LEKR1: variants seen among roughly 807,000 people sequenced by gnomAD.
LEKR1 encodes protein LEKR1.
A neutral mutation model predicts 72.4 loss-of-function variants in LEKR1; 59 were observed. The ratio of observed to expected loss-of-function variants is 0.82; its 90% CI spans 0.66 to 1.01. LEKR1 has a LOEUF of 1.01. Ranked by LOEUF, LEKR1 falls within the 50% of genes least tolerant of loss-of-function variation. LEKR1 has a pLI of 0.00. For synonymous variants in LEKR1, 257 were observed against 263.2 expected (o/e 0.98, Z 0.23); for missense variants, 728 against 759.2 (o/e 0.96, Z 0.48).
intron 3 of LEKR1, among the ~76,000 whole-genome samples, chr3:156,867,805 G>A (rs1560037094): frequency 6.6e-6 from 1 of 152,000 alleles, no homozygotes; most frequent in Non-Finnish European, 1.5e-5. Context: ...ACAGGATCTT[G>A]CATAATGGTA....
chr3:157,006,066 C>A (rs903715207), intron 9 of LEKR1, among the ~76,000 whole-genome samples: 5 of 150,336 alleles, frequency 3.3e-5, no homozygotes, highest in African/African-American at 1.2e-4. Flanking sequence ...ACTGCAGTGG[C>A]GCAATCTCGG....
At chr3:156,901,930 C>G (rs1048182905) in intron 3 of LEKR1, among the ~76,000 whole-genome samples, 1 of 152,224 alleles carries the variant, frequency 6.6e-6, no homozygotes, top group Non-Finnish European at 1.5e-5. Flanking sequence ...GTGATCCAAA[C>G]GCCTTGGCCT....
intron 5 of LEKR1, among the ~76,000 whole-genome samples, chr3:156,929,873 A>G (rs984758123): frequency 6.6e-6 from 1 of 152,156 alleles, no homozygotes; most frequent in African/African-American, 2.4e-5. Context: ...AATATACTTT[A>G]TGAGGTGATA....
chr3:157,020,712 T>C lies in LEKR1; in HGVS notation c.1204-4048T>C, dbSNP rs541318274. 3.9e-5 allele frequency among the ~76,000 whole-genome samples: 6 copies of C among 152,186 alleles called. No individual in the cohort carries two copies. In the East Asian group the frequency reaches 1.2e-3, roughly 29 times the overall value. On this transcript the variant is annotated intron_variant, in intron 10 of 12. Coordinates refer to ENST00000356539, the MANE Select transcript of LEKR1 (RefSeq NM_001004316.3). ...ATTTGGGTTGGTTCCATGTCTTTGC[T>C]ATTGTGAATAATGCCGCAGTAAACA...
rs536321851 is a variant in LEKR1 at position 156,863,965 on chromosome 3, C to T, written c.263+10983C>T. On this transcript the variant is annotated intron_variant, in intron 3 of 12. Coordinates refer to ENST00000356539, the MANE Select transcript of LEKR1 (RefSeq NM_001004316.3). ...TGACAGAACTGTTAGGGAAGCTATCCCTAGAAACATTGTGAAGAACTCAGC... is the reference window on the plus strand; with the variant it reads ...TGACAGAACTGTTAGGGAAGCTATCTCTAGAAACATTGTGAAGAACTCAGC... 9.2e-5 allele frequency among the ~76,000 whole-genome samples: 14 copies of T among 152,044 alleles called. No homozygotes were observed. The South Asian group carries it at 2.9e-3, about 32-fold the overall frequency.
Position 156,835,301 on chromosome 3 carries a change from G to T in LEKR1, c.48+5924G>T, listed in dbSNP as rs954002409. Among the ~76,000 whole-genome samples the T allele has an allele frequency of 2.1e-4, 32 of 152,332 alleles. 1 individual carries two copies. Among genetic ancestry groups the T allele is most frequent in the African/African-American group, 7.5e-4 (31 of 41,574 alleles). ...TACACAGGCAGGCACCCTTACCAAT[G>T]GGGGTTTTCTTAAATATGTAAATTT... On this transcript the variant is annotated intron_variant, in intron 2 of 12. Transcript: ENST00000356539.
At chr3:156,862,397 G>T (rs1340846428) in intron 3 of LEKR1, among the ~76,000 whole-genome samples, 1 of 151,946 alleles carries the variant, frequency 6.6e-6, no homozygotes, top group Non-Finnish European at 1.5e-5. Context: ...GAATTCGAAG[G>T]GAGGCAGTGT....
Position 157,023,715 on chromosome 3 carries a change from G to C in LEKR1, c.1204-1045G>C, listed in dbSNP as rs140788258. On this transcript the variant is annotated intron_variant, in intron 10 of 12. Transcript: ENST00000356539. ...TAGGAAGTAGCAGAGCCAGGATTAA[G>C]AGCCAGGATTTAAACTCAACTTCAT... Among the ~76,000 whole-genome samples, 758 of 152,294 alleles carry C rather than the reference G, an allele frequency of 5.0e-3. 3 individuals carry two copies. Among genetic ancestry groups the C allele is most frequent in the African/African-American group, 0.017 (713 of 41,564 alleles).
intron 3 of LEKR1, among the ~76,000 whole-genome samples, chr3:156,913,872 C>T (rs934757029): frequency 7.9e-5 from 12 of 152,006 alleles, no homozygotes; most frequent in African/African-American, 2.9e-4. Context: ...GCATTTCAGT[C>T]CTTTGTTTTT....
intron 2 of LEKR1, among the ~76,000 whole-genome samples, chr3:156,848,976 T>C (rs942436152): frequency 8.5e-5 from 13 of 152,212 alleles, no homozygotes; most frequent in Non-Finnish European, 1.3e-4. Context: ...TGTCCCTGTT[T>C]GCAGATGACA....
intron 12 of LEKR1, among the ~76,000 whole-genome samples, chr3:157,044,709 A>G (rs1283563391): frequency 2.0e-5 from 3 of 152,252 alleles, no homozygotes; most frequent in African/African-American, 4.8e-5. Flanking sequence ...CTGAATGAAT[A>G]GAATTAGTAG....
At chr3:156,914,960 G>GC (rs1233789838) in intron 3 of LEKR1, among the ~76,000 whole-genome samples, 1 of 151,840 alleles carries the variant, frequency 6.6e-6, no homozygotes, top group East Asian at 1.9e-4. Flanking sequence ...TCTCAAGTAG[G>GC]CCCCAGTGTC....
At chr3:156,913,440 A>T (rs1723301160) in intron 3 of LEKR1, among the ~76,000 whole-genome samples, 1 of 152,120 alleles carries the variant, frequency 6.6e-6, no homozygotes, top group African/African-American at 2.4e-5. Context: ...GAATATTATT[A>T]CTGTATAGAA....
At chr3:156,828,063 G>A (rs1269673163) in intron 1 of LEKR1, among the ~76,000 whole-genome samples, 1 of 152,188 alleles carries the variant, frequency 6.6e-6, no homozygotes, top group Non-Finnish European at 1.5e-5. Flanking sequence ...TGTTGACATG[G>A]TTAATGGTAC....
chr3:156,852,554 C>T (rs1715492906), intron 2 of LEKR1, among the ~76,000 whole-genome samples: 4 of 152,080 alleles, frequency 2.6e-5, no homozygotes. Context: ...AACAATTGCT[C>T]TGAAAGATCT....
chr3:156,944,157 G>A (rs538564526), intron 6 of LEKR1, among the ~76,000 whole-genome samples: 5 of 151,344 alleles, frequency 3.3e-5, no homozygotes, highest in African/African-American at 1.2e-4. Context: ...CCCATTCCTA[G>A]ATAGTACATA....
chr3:156,974,586 C>A (rs1729527674), intron 6 of LEKR1, among the ~76,000 whole-genome samples: 1 of 152,076 alleles, frequency 6.6e-6, no homozygotes, highest in Non-Finnish European at 1.5e-5. Flanking sequence ...CTCCCCACTA[C>A]CCTCCAAAAA....
intron 1 of LEKR1, among the ~76,000 whole-genome samples, chr3:156,828,340 C>T (rs1438389863): frequency 6.6e-6 from 1 of 152,200 alleles, no homozygotes; most frequent in African/African-American, 2.4e-5. Context: ...TACTTTGCTT[C>T]TCCAGTCTCT....
chr3:156,974,273 A>C (rs1729502677), intron 6 of LEKR1, among the ~76,000 whole-genome samples: 1 of 152,196 alleles, frequency 6.6e-6, no homozygotes, highest in African/African-American at 2.4e-5. Flanking sequence ...AATAAGAGTC[A>C]AAATGAGACT....
Sources: gnomAD v4.1 joint callset for allele counts (sites outside exome capture counted in the v4.1 genomes callset) on GRCh38, gnomAD v4.1.1 for gene constraint, MANE v1.5 for transcripts, NCBI Gene and HGNC (gene_info 2026-07-23, HGNC 2026-07-21) for gene names.